RUFY2: variants seen among roughly 807,000 people sequenced by gnomAD.
RUFY2 encodes RUN and FYVE domain containing 2.
In RUFY2, 49 loss-of-function variants were observed where a neutral mutation model predicts 94.4. That is an observed-to-expected ratio of 0.52 (90% CI 0.41 to 0.66). The LOEUF (loss-of-function observed/expected upper bound fraction) is 0.66. Ranked by LOEUF, RUFY2 falls within the 30% of genes least tolerant of loss-of-function variation. The probability of loss-of-function intolerance (pLI) is 0.00; values close to 1 mark genes in which losing one functional copy is unlikely to be tolerated. For synonymous variants in RUFY2, 255 were observed against 235.7 expected, an observed-to-expected ratio of 1.08 and a Z score of -0.75; for missense variants, 541 against 692.8, an observed-to-expected ratio of 0.78 and a Z score of 2.46.
At chr10:68,391,156 G>A (rs1184655249) in intron 7 of RUFY2, among the ~76,000 whole-genome samples, 3 of 151,470 alleles carry the variant, frequency 2.0e-5, no homozygotes, top group African/African-American at 7.3e-5. Flanking sequence ...GGCTGGTCTC[G>A]AACTCCTGAT....
At chr10:68,341,199 G>A (rs761715695), downstream of RUFY2, 8 of 1,583,168 alleles carry the variant, frequency 5.1e-6, no homozygotes, top group South Asian at 1.2e-5. Flanking sequence ...AATCCAATAC[G>A]AGTTCATATT....
intron 15 of RUFY2, among the ~76,000 whole-genome samples, chr10:68,357,974 G>T (rs954427301): frequency 6.6e-6 from 1 of 152,038 alleles, no homozygotes; most frequent in Non-Finnish European, 1.5e-5. Flanking sequence ...GATCACTTGA[G>T]GTCAGGAGTT....
At chr10:68,349,537 GAAA>G (rs966904885) in intron 16 of RUFY2, among the ~76,000 whole-genome samples, 1 of 150,940 alleles carries the variant, frequency 6.6e-6, no homozygotes, top group South Asian at 2.1e-4. Context: ...TTTTTTTAAA[GAAA>G]AAAAAATTTT....
At chr10:68,400,405 G>A (rs569475584) in intron 3 of RUFY2, among the ~76,000 whole-genome samples, 5 of 152,182 alleles carry the variant, frequency 3.3e-5, no homozygotes, top group South Asian at 2.1e-4. Flanking sequence ...GGTCAGGCAC[G>A]GTGGCTCACG....
chr10:68,342,058 C>CAA, downstream of RUFY2: 1 of 1,607,682 alleles, frequency 6.2e-7, no homozygotes, highest in Non-Finnish European at 8.5e-7. Context: ...GTACTGAAAG[C>CAA]AAAAACACCA....
chr10:68,385,830 G>A (rs1008196008), intron 8 of RUFY2, among the ~76,000 whole-genome samples: 1 of 152,120 alleles, frequency 6.6e-6, no homozygotes, highest in Admixed American at 6.6e-5. Flanking sequence ...ATTTTTAGAA[G>A]CTGAGTATCT....
At chr10:68,397,616 T>G (rs2050486324) in intron 3 of RUFY2, among the ~76,000 whole-genome samples, 2 of 141,974 alleles carry the variant, frequency 1.4e-5, no homozygotes, top group Non-Finnish European at 3.1e-5. Context: ...ATTAAAAAAG[T>G]GAAAAAAAAT....
Position 68,376,704 on chromosome 10 carries a change from T to C in RUFY2, c.1325+149A>G, listed in dbSNP as rs961318389. The stretch of plus-strand genomic sequence containing the variant: ...AACATAAGTATTATTACAATTATAT[T>C]TTCTAAATTTTTTTGTTTTTTAAAG... On this transcript the variant is annotated intron_variant, in intron 13 of 17. Coordinates refer to ENST00000602465, the MANE Select transcript of RUFY2 (RefSeq NM_001330103.2). 7.5e-6 allele frequency: 5 copies of C among 663,924 alleles called. No homozygotes were observed. In the African/African-American group the frequency reaches 9.2e-5, roughly 12 times the overall value. 41.1% of individuals were successfully genotyped at this position (663,924 alleles called of 1,614,324 possible).
At chr10:68,404,368 C>A (rs1237489631) in intron 2 of RUFY2, among the ~76,000 whole-genome samples, 1 of 151,956 alleles carries the variant, frequency 6.6e-6, no homozygotes, top group Non-Finnish European at 1.5e-5. Flanking sequence ...AACAGTATCA[C>A]CAGCTTTAAA....
At chr10:68,376,519 A>C in intron 13 of RUFY2, among the ~76,000 whole-genome samples, 2 of 126,020 alleles carry the variant, frequency 1.6e-5, no homozygotes, top group Non-Finnish European at 1.7e-5. Flanking sequence ...TCCTTTAATA[A>C]TATAAGTTTC....
chr10:68,347,980 A>C (rs1589754597), intron 16 of RUFY2, among the ~76,000 whole-genome samples: 1 of 152,328 alleles, frequency 6.6e-6, no homozygotes, highest in East Asian at 1.9e-4. Flanking sequence ...ACAGATCAAG[A>C]TCACAAGGTT....
At chr10:68,406,908 G>C in intron 1 of RUFY2, 1 of 1,576,038 alleles carries the variant, frequency 6.3e-7, no homozygotes, top group Non-Finnish European at 8.6e-7. Context: ...CACCCTGCCT[G>C]GCCCTGTCCT....
At chr10:68,346,372 C>A in intron 16 of RUFY2, 1 of 294,840 alleles carries the variant, frequency 3.4e-6, no homozygotes, top group Non-Finnish European at 6.3e-6. Flanking sequence ...GAGAGGATCG[C>A]CTGAGGCCTG....
Position 68,344,397 on chromosome 10 carries a change from GGTTAAAAATTAAT to G in RUFY2, c.*1358_*1370del, listed in dbSNP as rs1478025021. ...ATAGGCTCACAAACTTAAAGTGCAT[GGTTAAAAATTAAT>G]GTAAAAAATAGGATACTGAATGGTG... On this transcript the variant is annotated 3_prime_UTR_variant, in exon 18 of 18. Transcript: ENST00000602465. 1 of 152,074 alleles carries G rather than the reference GGTTAAAAATTAAT, an allele frequency of 6.6e-6. No individual in the cohort carries two copies. The highest frequency in any genetic ancestry group is 2.4e-5 in the African/African-American group (1 of 41,398). The allele number at this position is 152,074 out of a possible 1,614,324, so 9.4% of individuals were successfully genotyped here.
rs560071522 is a variant in RUFY2, at chr10:68,353,504, A to C, written c.1599+1849T>G. Among the ~76,000 whole-genome samples, 33 of 152,020 alleles carry C rather than the reference A, an allele frequency of 2.2e-4. 1 individual carries two copies. In the South Asian group the frequency reaches 6.7e-3, roughly 31 times the overall value. On this transcript the variant is annotated intron_variant, in intron 16 of 17. Coordinates refer to ENST00000602465, the MANE Select transcript of RUFY2 (RefSeq NM_001330103.2). ...GAAGCAAGACTCCGTCTCAAAAAAA[A>C]AAATACAGAGTAAGACGGGTTTTGG...
Position 68,394,095 on chromosome 10 carries a change from T to G in RUFY2, c.564A>C (p.Glu188Asp). Residue 188 changes from glutamate to aspartate, a missense_variant, in exon 6 of 18, where the codon GAA becomes GAC. This residue lies in a region of RUFY2 where 403 missense variants were observed against 480.7 expected (regional missense o/e 0.84). Coordinates refer to ENST00000602465, the MANE Select transcript of RUFY2 (RefSeq NM_001330103.2). ...CATACCTTTCTTTATTTCCAATATC[T>G]TCTTCATTCTTTAAATACATAGAAA... ...IDFSMYLKNE[E>D]DIGNKERNVQ... 1.3e-6 allele frequency: 2 copies of G among 1,506,574 alleles called. No homozygotes were observed. The highest frequency in any genetic ancestry group is 1.8e-6 in the Non-Finnish European group (2 of 1,122,196). The allele number at this position is 1,506,574 out of a possible 1,614,324, so 93.3% of individuals were successfully genotyped here.
chr10:68,377,422 A>T (rs903596396), intron 12 of RUFY2: 4 of 1,002,486 alleles, frequency 4.0e-6, no homozygotes, highest in Non-Finnish European at 1.2e-6. Context: ...GTGTGCTACA[A>T]GGCCAAGAGC....
intron 15 of RUFY2, among the ~76,000 whole-genome samples, chr10:68,362,555 G>T (rs2132474138): frequency 6.6e-6 from 1 of 152,120 alleles, no homozygotes; most frequent in Middle Eastern, 3.4e-3. Flanking sequence ...ATTTTGGGAG[G>T]CTCAGGTGGG....
At chr10:68,362,610 G>C (rs1366191630) in intron 15 of RUFY2, among the ~76,000 whole-genome samples, 1 of 151,972 alleles carries the variant, frequency 6.6e-6, no homozygotes, top group Non-Finnish European at 1.5e-5. Flanking sequence ...TGGGCAACAT[G>C]CAAGACCCCA....
Sources: gnomAD v4.1 joint callset for allele counts (sites outside exome capture counted in the v4.1 genomes callset) on GRCh38, gnomAD v4.1.1 for gene constraint, gnomAD v4.1.1 regional missense constraint, MANE v1.5 for transcripts, NCBI Gene and HGNC (gene_info 2026-07-23, HGNC 2026-07-21) for gene names.